PTPRQ: variants seen among roughly 807,000 people sequenced by gnomAD.
PTPRQ encodes the protein protein tyrosine phosphatase receptor type Q, also known as phosphatidylinositol phosphatase PTPRQ.
Under a neutral mutation model 246.0 loss-of-function variants are expected in PTPRQ, and 199 were observed. The observed-to-expected ratio is 0.81, with a 90% CI of 0.72 to 0.91. The LOEUF (loss-of-function observed/expected upper bound fraction) is 0.91. Ranked by LOEUF, PTPRQ falls within the 40% of genes least tolerant of loss-of-function variation. The pLI, the probability that PTPRQ is intolerant of heterozygous loss-of-function variation, is 0.00. For missense variants in PTPRQ, 2,624 were observed against 2,528.4 expected, an observed-to-expected ratio of 1.04 and a Z score of -0.81; for synonymous variants, 869 against 853.2, an observed-to-expected ratio of 1.02 and a Z score of -0.32.
At chr12:80,595,762 G>C (rs566214208) in intron 26 of PTPRQ, among the ~76,000 whole-genome samples, 2 of 130,938 alleles carry the variant, frequency 1.5e-5, no homozygotes, top group African/African-American at 3.0e-5. Flanking sequence ...TCCCCTTCCT[G>C]TGTCCATGTG....
chr12:80,466,587 C>A (rs1334856302), intron 6 of PTPRQ, among the ~76,000 whole-genome samples: 2 of 152,186 alleles, frequency 1.3e-5, no homozygotes, highest in Non-Finnish European at 2.9e-5. Flanking sequence ...GGAGGCATCA[C>A]ACTACCTGAC....
At chr12:80,566,133 C>G (rs965216118) in intron 25 of PTPRQ, among the ~76,000 whole-genome samples, 1 of 152,036 alleles carries the variant, frequency 6.6e-6, no homozygotes, top group African/African-American at 2.4e-5. Flanking sequence ...AAATATTATT[C>G]CATATGAATT....
Position 80,536,958 on chromosome 12 carries a change from C to T in PTPRQ, c.2985+1921C>T, listed in dbSNP as rs540563134. On this transcript the variant is annotated intron_variant, in intron 19 of 44. Transcript: ENST00000644991. Reference sequence around the variant, plus strand: ...ATATTTTGGTTCTCTTTGTCCATATCTAAATAATATAGCATAAGTATCAAA... The same window carrying T: ...ATATTTTGGTTCTCTTTGTCCATATTTAAATAATATAGCATAAGTATCAAA... Among the ~76,000 whole-genome samples, 135 of 152,272 alleles carry T rather than the reference C, an allele frequency of 8.9e-4. 3 individuals carry two copies. The highest frequency in any genetic ancestry group is 3.1e-3 in the African/African-American group (130 of 41,560).
At chr12:80,633,110 A>G (rs1267663382) in intron 34 of PTPRQ, among the ~76,000 whole-genome samples, 1 of 152,206 alleles carries the variant, frequency 6.6e-6, no homozygotes. Flanking sequence ...TCCAGCTCCA[A>G]TATCAAAGAG....
At chr12:80,657,121 A>G (rs1359974798) in intron 38 of PTPRQ, among the ~76,000 whole-genome samples, 1 of 151,888 alleles carries the variant, frequency 6.6e-6, no homozygotes, top group African/African-American at 2.4e-5. Flanking sequence ...AGAAAATTTT[A>G]ATTAATATGA....
At chr12:80,583,017 A>C (rs1265387491) in intron 25 of PTPRQ, among the ~76,000 whole-genome samples, 6 of 152,152 alleles carry the variant, frequency 3.9e-5, no homozygotes, top group Non-Finnish European at 8.8e-5. Flanking sequence ...CTCCTTGTAG[A>C]CCCAGCAGCC....
intron 7 of PTPRQ, among the ~76,000 whole-genome samples, chr12:80,469,990 G>A (rs1893572330): frequency 6.6e-6 from 1 of 152,218 alleles, no homozygotes; most frequent in South Asian, 2.1e-4. Context: ...AAGATCATTG[G>A]AACAATGGGT....
At chr12:80,652,672 C>A in intron 37 of PTPRQ, 72 bp from the exon 38 acceptor site, 1 of 1,378,488 alleles carries the variant, frequency 7.3e-7, no homozygotes, top group East Asian at 3.0e-5. Flanking sequence ...GGACAAATAA[C>A]TGTCTTTTAA....
At chr12:80,484,300 C>G in intron 8 of PTPRQ, 133 bp from the exon 9 acceptor site, 1 of 1,160,388 alleles carries the variant, frequency 8.6e-7, no homozygotes, top group Non-Finnish European at 1.2e-6. Flanking sequence ...AGCCACCGCA[C>G]CTAGCCTAGT....
intron 25 of PTPRQ, among the ~76,000 whole-genome samples, chr12:80,574,153 C>G (rs1338808202): frequency 6.6e-6 from 1 of 152,082 alleles, no homozygotes; most frequent in Non-Finnish European, 1.5e-5. Flanking sequence ...TATAAACTAT[C>G]CCTTTTATCT....
chr12:80,517,769 T>G (rs1471372373), intron 17 of PTPRQ, among the ~76,000 whole-genome samples: 1 of 152,162 alleles, frequency 6.6e-6, no homozygotes, highest in Non-Finnish European at 1.5e-5. Flanking sequence ...TTGTCATTTG[T>G]GCCTGACTTA....
intron 17 of PTPRQ, among the ~76,000 whole-genome samples, chr12:80,523,085 G>C (rs145825659): frequency 6.6e-6 from 1 of 152,030 alleles, no homozygotes; most frequent in Admixed American, 6.6e-5. Context: ...TCCTGGTTTA[G>C]TCTTGGGAGG....
At chr12:80,497,439 G>A (rs1894664736) in intron 14 of PTPRQ, among the ~76,000 whole-genome samples, 1 of 152,036 alleles carries the variant, frequency 6.6e-6, no homozygotes, top group Admixed American at 6.6e-5. Context: ...CAGGCGATAG[G>A]GAGTGGCTGT....
chr12:80,555,667 G>A (rs1455101369), intron 25 of PTPRQ, among the ~76,000 whole-genome samples: 2 of 152,158 alleles, frequency 1.3e-5, no homozygotes, highest in African/African-American at 4.8e-5. Flanking sequence ...CATTATAGTT[G>A]CCTATCATAA....
intron 30 of PTPRQ, among the ~76,000 whole-genome samples, chr12:80,617,631 T>A (rs1898813060): frequency 6.6e-6 from 1 of 151,396 alleles, no homozygotes; most frequent in South Asian, 2.1e-4. Context: ...GCCAGGTTGG[T>A]TAATCTTGAC....
chr12:80,457,011 A>G (rs1893002303), intron 3 of PTPRQ, among the ~76,000 whole-genome samples: 2 of 152,146 alleles, frequency 1.3e-5, no homozygotes, highest in Admixed American at 1.3e-4. Flanking sequence ...TCTTATTCTC[A>G]TTAATGACAT....
At position 80,669,055 on chromosome 12, in the gene PTPRQ, G is replaced by A; in HGVS notation, c.6241G>A (p.Gly2081Arg). The A allele has an allele frequency of 6.4e-7, 1 of 1,550,484 alleles. No homozygotes were observed. Among genetic ancestry groups the A allele is most frequent in the Non-Finnish European group, 8.7e-7 (1 of 1,146,068 alleles). ...EFIATQGPLP[G>R]TVGDFWRMVW... ...TATTGCTACTCAAGGTCCACTACCA[G>A]GAACAGTTGGAGATTTTTGGAGAAT... The change falls in exon 40 of 45, where the codon GGA becomes AGA. Residue 2081 changes from glycine (G) to arginine (R), a missense_variant. Physicochemically the swap from Gly to Arg is moderately radical, Grantham distance 125. Coordinates refer to ENST00000644991, the MANE Select transcript of PTPRQ (RefSeq NM_001145026.2).
Position 80,468,753 on chromosome 12 carries a change from A to C in PTPRQ, c.954A>C (p.Thr318=). The C allele has an allele frequency of 6.5e-7, 1 of 1,550,034 alleles. No individual in the cohort carries two copies. The highest frequency in any genetic ancestry group is 8.7e-7 in the Non-Finnish European group (1 of 1,146,234). Reference sequence around the variant, plus strand: ...AAAACTGCGTAACAGGCAACATCACAGGAAAGTCCTTTTCAATTTTATGGG... The same window carrying C: ...AAAACTGCGTAACAGGCAACATCACCGGAAAGTCCTTTTCAATTTTATGGG... The part of the protein sequence containing the change: ...PPQNCVTGNI[T]GKSFSILWDP... Residue 318 remains threonine (T), a synonymous_variant, in exon 7 of 45, where the codon ACA becomes ACC. Coordinates refer to ENST00000644991, the MANE Select transcript of PTPRQ (RefSeq NM_001145026.2).
At chr12:80,677,212 G>T (rs1901172279) in intron 43 of PTPRQ, among the ~76,000 whole-genome samples, 1 of 152,112 alleles carries the variant, frequency 6.6e-6, no homozygotes, top group Non-Finnish European at 1.5e-5. Context: ...AAATTTAAAT[G>T]ATTTCCAAAA....
Sources: gnomAD v4.1 joint callset for allele counts (sites outside exome capture counted in the v4.1 genomes callset) on GRCh38, gnomAD v4.1.1 for gene constraint, MANE v1.5 for transcripts, NCBI Gene and HGNC (gene_info 2026-07-23, HGNC 2026-07-21) for gene names.